Variants in GNL3L observed in about 807,000 individuals in gnomAD.
GNL3L encodes G protein nucleolar 3 like.
GNL3L carries 4 observed loss-of-function variants against 42.9 expected under a neutral mutation model. The observed-to-expected ratio is 0.09, with a 90% CI of 0.05 to 0.21. The LOEUF (loss-of-function observed/expected upper bound fraction) is 0.21. Ranked by LOEUF, GNL3L falls within the 10% of genes least tolerant of loss-of-function variation. The probability of loss-of-function intolerance (pLI) is 1.00; values close to 1 mark genes in which losing one functional copy is unlikely to be tolerated. For missense variants in GNL3L, 412 were observed against 481.7 expected (o/e 0.86, Z 1.36); for synonymous variants, 159 against 176.3 (o/e 0.90, Z 0.78).
At position 54,562,234 on chromosome X, in the gene GNL3L, C is replaced by T. The variant is rs1283354286; in HGVS notation, c.*1632C>T. Among the ~76,000 whole-genome samples, 1 of 111,852 alleles carries T rather than the reference C, an allele frequency of 8.9e-6. No individual in the cohort carries two copies. Among genetic ancestry groups the T allele is most frequent in the South Asian group, 3.7e-4 (1 of 2,694 alleles). On this transcript the variant is annotated 3_prime_UTR_variant, in exon 16 of 16. Transcript: ENST00000360845. Reference sequence around the variant, plus strand: ...CTAGTTTTTGTATTTTTAGTAGAGACGATGTTTCACCATGTTGACCAGGCT... The same window carrying T: ...CTAGTTTTTGTATTTTTAGTAGAGATGATGTTTCACCATGTTGACCAGGCT...
At chrX:54,625,558 A>G (rs1926350032), downstream of GNL3L, among the ~76,000 whole-genome samples, 1 of 110,722 alleles carries the variant, frequency 9.0e-6, no homozygotes, top group African/African-American at 3.3e-5. Context: ...ATGATGTTGG[A>G]TTCAGTTTGC....
chrX:54,540,073 C>G (rs1293562425), intron 3 of GNL3L, 62 bp from the exon 4 acceptor site: 1 of 722,210 alleles, frequency 1.4e-6, no homozygotes, highest in African/African-American at 2.1e-5. Context: ...TTCTTGCTGC[C>G]TTTTTGAGGT....
chrX:54,642,183 A>G, the GNL3L span, among the ~76,000 whole-genome samples: 8,150 of 111,559 alleles, frequency 0.073, 720 homozygotes, highest in African/African-American at 0.25. Context: ...AGGTGAGTGT[A>G]CTTTTCCTCA....
At chrX:54,570,699 A>C (rs1251959385), downstream of GNL3L, among the ~76,000 whole-genome samples, 2 of 108,943 alleles carry the variant, frequency 1.8e-5, no homozygotes, top group Non-Finnish European at 3.8e-5. Flanking sequence ...TTGATTTATT[A>C]GCTGTACCTC....
At chrX:54,557,627 T>A (rs1925137380) in intron 14 of GNL3L, among the ~76,000 whole-genome samples, 1 of 109,568 alleles carries the variant, frequency 9.1e-6, no homozygotes, top group Admixed American at 9.8e-5. Flanking sequence ...TAGAGAAAGG[T>A]TTCACCATGT....
chrX:54,540,815 G>A (rs1033652203), intron 4 of GNL3L, among the ~76,000 whole-genome samples: 39 of 110,661 alleles, frequency 3.5e-4, no homozygotes, highest in African/African-American at 1.2e-3. Context: ...GCACCACCAC[G>A]CCCAGCTAAT....
rs1362382815 is a variant in GNL3L at position 54,565,489 on chromosome X, A to T, written c.*4887A>T. Among the ~76,000 whole-genome samples the T allele has an allele frequency of 5.4e-5, 6 of 110,915 alleles. No homozygotes were observed. Among genetic ancestry groups the T allele is most frequent in the Non-Finnish European group, 1.1e-4 (6 of 53,008 alleles). On this transcript the variant is annotated 3_prime_UTR_variant, in exon 16 of 16. Coordinates refer to ENST00000360845, the MANE Select transcript of GNL3L (RefSeq NM_001184819.2). ...GTCAGTTTAGTTTTTTAATTTTTAA[A>T]TTTTTTAATTTTTTTAATACATTTA...
intron 16 of GNL3L, among the ~76,000 whole-genome samples, chrX:54,607,010 T>TCTCTCTCTC (rs1926076133): frequency 3.2e-5 from 1 of 31,091 alleles, no homozygotes; most frequent in African/African-American, 4.4e-4. Flanking sequence ...CTTTCTTTCT[T>TCTCTCTCTC]TCTTTCTTTC....
chrX:54,533,227 G>T (rs1215021317), intron 2 of GNL3L, among the ~76,000 whole-genome samples: 1 of 110,164 alleles, frequency 9.1e-6, no homozygotes, highest in Non-Finnish European at 1.9e-5. Context: ...AGTTGTACTA[G>T]TGATTAAGAG....
At chrX:54,606,515 C>A (rs1179535905) in intron 16 of GNL3L, among the ~76,000 whole-genome samples, 2 of 110,838 alleles carry the variant, frequency 1.8e-5, no homozygotes, top group African/African-American at 6.6e-5. Context: ...AGGTCTCACC[C>A]TGCAGACTGG....
At chrX:54,555,552 C>A (rs1925069142) in intron 14 of GNL3L, among the ~76,000 whole-genome samples, 2 of 109,020 alleles carry the variant, frequency 1.8e-5, no homozygotes, top group Non-Finnish European at 3.8e-5. Context: ...CTCACTGCAA[C>A]CTCCGCCTCC....
Position 54,548,298 on chromosome X carries a change from G to A in GNL3L, c.700G>A (p.Glu234Lys). The change falls in exon 9 of 16, where the codon GAA becomes AAA. Residue 234 changes from glutamate to lysine, a missense_variant. Glu to Lys is a moderately conservative substitution (Grantham distance 56, BLOSUM62 1). Transcript: ENST00000360845. ...GAAAAGCAAAGCCTGCTTTGGAGCTGAAAACCTCATGAGGGTTCTGGGGAA... is the reference window on the plus strand; with the variant it reads ...GAAAAGCAAAGCCTGCTTTGGAGCTAAAAACCTCATGAGGGTTCTGGGGAA... ...LLKSKACFGA[E>K]NLMRVLGNYC... 8.3e-7 allele frequency: 1 copy of A among 1,203,934 alleles called. No individual in the cohort carries two copies. Among genetic ancestry groups the A allele is most frequent in the Non-Finnish European group, 1.1e-6 (1 of 888,590 alleles).
intron 16 of GNL3L, among the ~76,000 whole-genome samples, chrX:54,607,044 CT>C (rs768390147): frequency 4.6e-5 from 3 of 64,863 alleles, no homozygotes; most frequent in African/African-American, 9.8e-5. Context: ...TTCTTTCTTT[CT>C]TTCTTTCTTT....
chrX:54,553,898 T>C (rs747097981), intron 13 of GNL3L, among the ~76,000 whole-genome samples: 2 of 111,354 alleles, frequency 1.8e-5, no homozygotes, highest in South Asian at 3.7e-4. Context: ...TATGTTCTTA[T>C]GATGATGCTT....
In GNL3L at chrX:54,587,959, C is replaced by T. The variant is rs371330180; in HGVS notation, c.*45+27312C>T. On this transcript the variant is annotated intron_variant, in intron 16 of 16. Transcript: ENST00000674498. Reference sequence around the variant, plus strand: ...GCCTCCCAAAGTGCTAGATTACAGGCGTGAGCCACTGTGCCTGGCCAGGGT... The same window carrying T: ...GCCTCCCAAAGTGCTAGATTACAGGTGTGAGCCACTGTGCCTGGCCAGGGT... 8.0e-5 allele frequency among the ~76,000 whole-genome samples: 9 copies of T among 112,108 alleles called. No homozygotes were observed. The East Asian group carries it at 1.7e-3, about 21-fold the overall frequency.
intron 16 of GNL3L, among the ~76,000 whole-genome samples, chrX:54,599,782 A>AT (rs757293077): frequency 2.4e-4 from 27 of 110,374 alleles, no homozygotes; most frequent in Non-Finnish European, 4.0e-4. Flanking sequence ...TGATTGGATA[A>AT]TTTCTACTGT....
chrX:54,580,293 C>A (rs1264817497), intron 16 of GNL3L, among the ~76,000 whole-genome samples: 1 of 107,481 alleles, frequency 9.3e-6, no homozygotes, highest in Non-Finnish European at 1.9e-5. Flanking sequence ...ATGATGATTT[C>A]CAGTTTCATC....
rs911729209 is a variant in GNL3L, at chrX:54,561,741, C to T, written c.*1139C>T. Among the ~76,000 whole-genome samples, 1 of 111,514 alleles carries T rather than the reference C, an allele frequency of 9.0e-6. No individual in the cohort carries two copies. The highest frequency in any genetic ancestry group is 2.8e-4 in the East Asian group (1 of 3,523). On this transcript the variant is annotated 3_prime_UTR_variant, in exon 16 of 16. Transcript: ENST00000360845. ...GGTTCTGGTACCATTTATTCACAGACTGTATCCTCGAGAGAGCTGCTATAT... is the reference window on the plus strand; with the variant it reads ...GGTTCTGGTACCATTTATTCACAGATTGTATCCTCGAGAGAGCTGCTATAT...
At chrX:54,553,432 G>A (rs1226088622) in intron 13 of GNL3L, among the ~76,000 whole-genome samples, 1 of 112,454 alleles carries the variant, frequency 8.9e-6, no homozygotes, top group African/African-American at 3.2e-5. Context: ...CCTTCTCTGG[G>A]TCTTTTAGTG....
Sources: gnomAD v4.1 joint callset for allele counts (sites outside exome capture counted in the v4.1 genomes callset) on GRCh38, gnomAD v4.1.1 for gene constraint, MANE v1.5 for transcripts, NCBI Gene and HGNC (gene_info 2026-07-23, HGNC 2026-07-21) for gene names.